Variants in ATP2B1 observed in about 807,000 individuals in gnomAD.
ATP2B1 encodes the protein ATPase plasma membrane Ca2+ transporting 1.
ATP2B1 carries 14 observed loss-of-function variants against 124.2 expected under a neutral mutation model. The ratio of observed to expected loss-of-function variants is 0.11; its 90% CI spans 0.07 to 0.18. The LOEUF (loss-of-function observed/expected upper bound fraction) is 0.18. ATP2B1 is among the 10% of genes least tolerant of loss of function. The pLI, the probability that ATP2B1 is intolerant of heterozygous loss-of-function variation, is 1.00. For synonymous variants in ATP2B1, 449 were observed against 492.4 expected (o/e 0.91, Z 1.17); for missense variants, 763 against 1,466.1 (o/e 0.52, Z 7.83).
chr12:89,699,218 G>A (rs1891531173), intron 1 of ATP2B1, among the ~76,000 whole-genome samples: 1 of 152,124 alleles, frequency 6.6e-6, no homozygotes, highest in African/African-American at 2.4e-5. Flanking sequence ...AAATTTTGGT[G>A]TGGGTTTCTC....
chr12:89,627,396 C>CAAAAAAAA (rs59737003), intron 7 of ATP2B1, among the ~76,000 whole-genome samples: 3 of 91,286 alleles, frequency 3.3e-5, no homozygotes. Flanking sequence ...TTCCAAAATC[C>CAAAAAAAA]AAAAAAAAAA....
chr12:89,689,539 G>A (rs1338572534), intron 1 of ATP2B1, among the ~76,000 whole-genome samples: 1 of 152,064 alleles, frequency 6.6e-6, no homozygotes, highest in Non-Finnish European at 1.5e-5. Context: ...TCTGGCCCCA[G>A]ACAAATGCAC....
chr12:89,687,007 G>A (rs948906846), intron 1 of ATP2B1, among the ~76,000 whole-genome samples: 3 of 151,756 alleles, frequency 2.0e-5, no homozygotes, highest in South Asian at 2.1e-4. Flanking sequence ...GAAAATATTC[G>A]GGGGGAAAAA....
chr12:89,679,067 T>C (rs1889033034), intron 1 of ATP2B1, among the ~76,000 whole-genome samples: 2 of 151,790 alleles, frequency 1.3e-5, no homozygotes, highest in Admixed American at 6.6e-5. Flanking sequence ...AAAAAAAAAA[T>C]CACTATTTTA....
At chr12:89,622,848 T>C (rs1225603823) in intron 9 of ATP2B1, among the ~76,000 whole-genome samples, 1 of 152,186 alleles carries the variant, frequency 6.6e-6, no homozygotes, top group Non-Finnish European at 1.5e-5. Flanking sequence ...CTTGTTCTTA[T>C]TAATTTTCTA....
chr12:89,669,009 T>TATATATATTTTTTTGA (rs1370123269), intron 1 of ATP2B1, among the ~76,000 whole-genome samples: 1 of 152,122 alleles, frequency 6.6e-6, no homozygotes, highest in Non-Finnish European at 1.5e-5. Flanking sequence ...TATGTATCTG[T>TATATATATTTTTTTGA]GCTTCTATAA....
intron 12 of ATP2B1, among the ~76,000 whole-genome samples, chr12:89,613,274 C>G (rs895342023): frequency 6.6e-6 from 1 of 152,132 alleles, no homozygotes; most frequent in Non-Finnish European, 1.5e-5. Flanking sequence ...AGCCACCATG[C>G]CCGGCCCAGG....
chr12:89,601,272 A>C, intron 19 of ATP2B1, 54 bp downstream of exon 19: 1 of 1,250,922 alleles, frequency 8.0e-7, no homozygotes. Flanking sequence ...TACACACTAG[A>C]AATTAAAAAA....
intron 9 of ATP2B1, among the ~76,000 whole-genome samples, chr12:89,622,296 T>C (rs913560502): frequency 3.9e-5 from 2 of 50,750 alleles, no homozygotes; most frequent in African/African-American, 7.1e-5. Context: ...ATGTAGTTGC[T>C]TGATTTTTTT....
chr12:89,608,382 G>A (rs994792355), intron 15 of ATP2B1, among the ~76,000 whole-genome samples: 3 of 151,786 alleles, frequency 2.0e-5, no homozygotes, highest in Non-Finnish European at 4.4e-5. Context: ...TGCCATGTTG[G>A]CCAGGCTGTT....
chr12:89,645,472 A>G (rs528921270), intron 2 of ATP2B1, among the ~76,000 whole-genome samples: 83 of 152,322 alleles, frequency 5.4e-4, no homozygotes, highest in Non-Finnish European at 9.6e-4. Flanking sequence ...TAGACAATTA[A>G]AATAACTACA....
chr12:89,702,475 T>G (rs1007884690), intron 1 of ATP2B1, among the ~76,000 whole-genome samples: 4 of 152,208 alleles, frequency 2.6e-5, no homozygotes, highest in Non-Finnish European at 5.9e-5. Flanking sequence ...AGATTATTAT[T>G]TAAAATCCTC....
At position 89,599,106 on chromosome 12, in the gene ATP2B1, C is replaced by T; in HGVS notation, c.3351+11G>A. On this transcript the variant is annotated intron_variant, in intron 20 of 20. Transcript: ENST00000428670. ...CCCATCATCTCTCCTACCTCTCTAC[C>T]AGGCCCATACCTGTGTTTGGATTCT... The T allele has an allele frequency of 2.5e-6, 4 of 1,611,918 alleles. No homozygotes were observed. The highest frequency in any genetic ancestry group is 3.4e-6 in the Non-Finnish European group (4 of 1,178,734).
chr12:89,675,472 A>G (rs1487272387), intron 1 of ATP2B1, among the ~76,000 whole-genome samples: 3 of 152,140 alleles, frequency 2.0e-5, no homozygotes, highest in African/African-American at 4.8e-5. Context: ...AAAAATTATT[A>G]TTTTGAATTT....
At chr12:89,669,233 T>G (rs1317475497) in intron 1 of ATP2B1, among the ~76,000 whole-genome samples, 1 of 152,210 alleles carries the variant, frequency 6.6e-6, no homozygotes, top group Non-Finnish European at 1.5e-5. Context: ...TATCTCCTAG[T>G]GACCACTCCA....
Position 89,658,641 on chromosome 12 carries a change from G to GAGAGAGAT in ATP2B1, c.-221-2542_-221-2535dup, listed in dbSNP as rs1366900079. Reference sequence around the variant, plus strand: ...AGAGAGAGAGAGAGAGAGAGAGAGAGAGAGAGATAGAGATAGCATGTGGCT... The same window carrying GAGAGAGAT: ...AGAGAGAGAGAGAGAGAGAGAGAGAGAGAGAGATAGAGAGATAGAGATAGCATGTGGCT... On this transcript the variant is annotated intron_variant, in intron 1 of 20. Coordinates refer to ENST00000428670, the MANE Select transcript of ATP2B1 (RefSeq NM_001366521.1). 1.5e-4 allele frequency among the ~76,000 whole-genome samples: 22 copies of GAGAGAGAT among 150,330 alleles called. No homozygotes were observed. The South Asian group carries it at 1.9e-3, about 13-fold the overall frequency.
At position 89,619,936 on chromosome 12, in the gene ATP2B1, C is replaced by T. The variant is rs553309678; in HGVS notation, c.1829+63G>A. 3.7e-5 allele frequency: 58 copies of T among 1,579,642 alleles called. No homozygotes were observed. In the East Asian group the frequency reaches 1.3e-3, roughly 35 times the overall value. On this transcript the variant is annotated intron_variant, in intron 11 of 20. Coordinates refer to ENST00000428670, the MANE Select transcript of ATP2B1 (RefSeq NM_001366521.1). ...CAAAAAGACAACAACAATAACAACACAGTAGATACTCCATAAAGCAACTAT... is the reference window on the plus strand; with the variant it reads ...CAAAAAGACAACAACAATAACAACATAGTAGATACTCCATAAAGCAACTAT...
intron 1 of ATP2B1, among the ~76,000 whole-genome samples, chr12:89,680,477 T>C (rs778578754): frequency 3.3e-5 from 5 of 152,072 alleles, no homozygotes; most frequent in Admixed American, 6.6e-5. Flanking sequence ...AAAATGCTCA[T>C]TGGAGAACGG....
intron 10 of ATP2B1, among the ~76,000 whole-genome samples, chr12:89,621,189 C>T (rs924186940): frequency 6.6e-6 from 1 of 151,992 alleles, no homozygotes; most frequent in Admixed American, 6.6e-5. Flanking sequence ...AAGTTGAAAT[C>T]GGCTTAAAAA....
Sources: gnomAD v4.1 joint callset for allele counts (sites outside exome capture counted in the v4.1 genomes callset) on GRCh38, gnomAD v4.1.1 for gene constraint, MANE v1.5 for transcripts, NCBI Gene and HGNC (gene_info 2026-07-23, HGNC 2026-07-21) for gene names.